The following TIPRL variants were observed in gnomAD, a reference collection of about 807,000 sequenced individuals.
TIPRL encodes the protein TOR signaling pathway regulator.
In TIPRL, 10 loss-of-function variants were observed where a neutral mutation model predicts 32.3. The ratio of observed to expected loss-of-function variants is 0.31; its 90% confidence interval spans 0.19 to 0.52. TIPRL has a LOEUF of 0.52. Among genes scored for constraint, TIPRL ranks in the 20% least tolerant of loss-of-function variants. The probability of loss-of-function intolerance (pLI) is 0.96; values close to 1 mark genes in which losing one functional copy is unlikely to be tolerated. For synonymous variants in TIPRL, 100 were observed against 114.0 expected (o/e 0.88, Z 0.78); for missense variants, 250 against 328.1 (o/e 0.76, Z 1.84).
At chr1:168,179,671 AGATGTATACACGGAGT>A in intron 1 of TIPRL, among the ~76,000 whole-genome samples, 1 of 152,306 alleles carries the variant, frequency 6.6e-6, no homozygotes, top group Admixed American at 6.5e-5. Context: ...AATGTAATGA[AGATGTATACACGGAGT>A]GATGTGAGGT....
At chr1:168,198,487 T>C (rs1164044505) in intron 5 of TIPRL, among the ~76,000 whole-genome samples, 2 of 152,148 alleles carry the variant, frequency 1.3e-5, no homozygotes, top group African/African-American at 4.8e-5. Context: ...AGAATAAAAA[T>C]TTTAAAGCAT....
rs746844336 is a variant in TIPRL at position 168,192,200 on chromosome 1, A to G, written c.516+700A>G. The G allele has an allele frequency of 3.4e-6, 5 of 1,479,294 alleles. No homozygotes were observed. The South Asian group carries it at 5.2e-5, about 15-fold the overall frequency. 91.6% of individuals were successfully genotyped at this position (1,479,294 alleles called of 1,614,324 possible). The stretch of plus-strand genomic sequence containing the variant: ...AGTGCATCATTCAACTACCACTTCA[A>G]TTTTCAGCCTGGTGGCGGGCACCTG... On this transcript the variant is annotated intron_variant, in intron 4 of 6. Transcript: ENST00000367833.
chr1:168,182,496 C>T (rs891640887), intron 1 of TIPRL, among the ~76,000 whole-genome samples: 1 of 152,082 alleles, frequency 6.6e-6, no homozygotes, highest in Non-Finnish European at 1.5e-5. Flanking sequence ...CATGGTGGCA[C>T]GTGCCTGTAA....
In TIPRL at chr1:168,191,485, C is replaced by G. The variant is rs1156680360; in HGVS notation, c.501C>G (p.Ser167Arg). ...EDELHDHGVS[S>R]LSVKIRVMPS... is the part of the protein sequence containing the mutation. ...AACTTCATGATCATGGAGTTTCAAG[C>G]CTGAGTGTGAAGATTGTGAGTATTA... The change falls in exon 4 of 7, where the codon AGC becomes AGG. Residue 167 changes from serine to arginine, a missense_variant. Ser to Arg is a moderately radical substitution (Grantham distance 110). Transcript: ENST00000367833. 1 of 1,502,056 alleles carries G rather than the reference C, an allele frequency of 6.7e-7. No individual in the cohort carries two copies. The highest frequency in any genetic ancestry group is 1.5e-5 in the African/African-American group (1 of 68,576). 93.0% of individuals were successfully genotyped at this position (1,502,056 alleles called of 1,614,324 possible).
At chr1:168,179,439 C>T (rs924686431) in intron 1 of TIPRL, among the ~76,000 whole-genome samples, 1 of 152,196 alleles carries the variant, frequency 6.6e-6, no homozygotes, top group South Asian at 2.1e-4. Flanking sequence ...GGTGGACTTT[C>T]CCCTCACCAA....
At chr1:168,198,792 A>G (rs1017745877) in intron 5 of TIPRL, 127 bp from the exon 6 acceptor site, 25 of 733,354 alleles carry the variant, frequency 3.4e-5, no homozygotes, top group Non-Finnish European at 5.5e-5. Context: ...GTAGAACAAG[A>G]TGTTCTCTTT....
At chr1:168,199,806 TA>T in intron 6 of TIPRL, 96 bp from the exon 7 acceptor site, 1 of 1,331,486 alleles carries the variant, frequency 7.5e-7, no homozygotes, top group African/African-American at 1.5e-5. Flanking sequence ...CACCTGATTT[TA>T]AAATTTCCAT....
Position 168,196,529 on chromosome 1 carries a change from C to CTT in TIPRL, c.517-6_517-5dup, listed in dbSNP as rs35234155. 6.5e-4 allele frequency: 812 copies of CTT among 1,252,462 alleles called. No individual in the cohort carries two copies. The highest frequency in any genetic ancestry group is 2.7e-3 in the East Asian group (101 of 37,222). The allele number at this position is 1,252,462 out of a possible 1,614,324, so 77.6% of individuals were successfully genotyped here. Reference sequence around the variant, plus strand: ...AATTTTTATTAAAATATTAATGTACCTTTTTTTTTTTTTCCAGAGAGTAAT... The same window carrying CTT: ...AATTTTTATTAAAATATTAATGTACCTTTTTTTTTTTTTTTCCAGAGAGTAAT... On this transcript the variant is annotated splice_polypyrimidine_tract_variant and intron_variant, in intron 4 of 6. Transcript: ENST00000367833.
intron 4 of TIPRL, among the ~76,000 whole-genome samples, chr1:168,193,723 A>AT (rs1463897099): frequency 6.6e-6 from 1 of 152,188 alleles, no homozygotes; most frequent in Non-Finnish European, 1.5e-5. Context: ...ACTGAAGAGC[A>AT]TTTTTTTAAC....
chr1:168,190,408 C>T (rs2102309939), intron 3 of TIPRL, among the ~76,000 whole-genome samples: 1 of 152,306 alleles, frequency 6.6e-6, no homozygotes, highest in Admixed American at 6.5e-5. Context: ...CCTTAGATTT[C>T]CTCCCAAAAT....
chr1:168,181,016 T>C (rs1699956242), intron 1 of TIPRL, among the ~76,000 whole-genome samples: 1 of 151,724 alleles, frequency 6.6e-6, no homozygotes, highest in Non-Finnish European at 1.5e-5. Context: ...AGAGACTCAC[T>C]CTGTCGCCCA....
chr1:168,181,269 A>G (rs1053753082), intron 1 of TIPRL, among the ~76,000 whole-genome samples: 7 of 150,622 alleles, frequency 4.6e-5, no homozygotes, highest in East Asian at 2.0e-4. Flanking sequence ...CTGGAGTGCA[A>G]TGGCGCCATC....
intron 5 of TIPRL, among the ~76,000 whole-genome samples, chr1:168,197,340 T>C (rs1700169274): frequency 6.6e-6 from 1 of 151,828 alleles, no homozygotes; most frequent in Admixed American, 6.6e-5. Flanking sequence ...GGTGGCAGAA[T>C]TGGAATTTGA....
At chr1:168,194,556 T>C (rs1700133030) in intron 4 of TIPRL, among the ~76,000 whole-genome samples, 1 of 152,234 alleles carries the variant, frequency 6.6e-6, no homozygotes. Context: ...AAGTCAGTTT[T>C]TCCATAAATT....
At chr1:168,187,126 C>T (rs1700036755) in intron 3 of TIPRL, among the ~76,000 whole-genome samples, 1 of 152,212 alleles carries the variant, frequency 6.6e-6, no homozygotes, top group Non-Finnish European at 1.5e-5. Context: ...GCAGAGCAGA[C>T]AAAAATTCCT....
At chr1:168,179,467 A>G (rs1699934924) in intron 1 of TIPRL, among the ~76,000 whole-genome samples, 1 of 151,940 alleles carries the variant, frequency 6.6e-6, no homozygotes, top group South Asian at 2.1e-4. Flanking sequence ...CTCCTGCCTC[A>G]GCCTGCACCA....
intron 1 of TIPRL, among the ~76,000 whole-genome samples, chr1:168,181,528 T>C (rs1015504632): frequency 2.6e-5 from 4 of 151,294 alleles, no homozygotes; most frequent in African/African-American, 7.3e-5. Context: ...CCATATAACT[T>C]TCTGTGACAA....
rs968953477 is a variant in TIPRL at position 168,201,049 on chromosome 1, G to C, written c.*1003G>C. On this transcript the variant is annotated 3_prime_UTR_variant, in exon 7 of 7. Coordinates refer to ENST00000367833, the MANE Select transcript of TIPRL (RefSeq NM_152902.5). ...GGATGAAGTAAAATGTAATTAATTA[G>C]CACAAGACTTAGGGAGTACAGAAAA... 7 of 152,066 alleles carry C rather than the reference G, an allele frequency of 4.6e-5. No homozygotes were observed. Among genetic ancestry groups the C allele is most frequent in the African/African-American group, 1.7e-4 (7 of 41,420 alleles). The allele number at this position is 152,066 out of a possible 1,614,324, so 9.4% of individuals were successfully genotyped here.
At chr1:168,191,555 C>G in intron 4 of TIPRL, 55 bp downstream of exon 4, 1 of 1,345,786 alleles carries the variant, frequency 7.4e-7, no homozygotes, top group Non-Finnish European at 9.7e-7. Flanking sequence ...TAACATCAGA[C>G]AAAAATATGA....
Sources: allele counts gnomAD v4.1 joint callset (sites outside exome capture counted in the v4.1 genomes callset), GRCh38; gene constraint gnomAD v4.1.1; transcripts MANE v1.5; gene names NCBI Gene and HGNC (gene_info 2026-07-23, HGNC 2026-07-21).